Variants in TENM3 observed in about 807,000 individuals in gnomAD.
TENM3 encodes the protein teneurin-3.
A neutral mutation model predicts 255.1 loss-of-function variants in TENM3; 63 were observed. That is an observed-to-expected ratio of 0.25 (90% CI 0.20 to 0.30). TENM3 has a LOEUF of 0.30. Ranked by LOEUF, TENM3 falls within the 10% of genes least tolerant of loss-of-function variation. TENM3 has a pLI of 1.00. For missense variants in TENM3, 2,929 were observed against 3,461.1 expected (o/e 0.85, Z 3.86); for synonymous variants, 1,306 against 1,322.3 (o/e 0.99, Z 0.27).
chr4:182,689,612 A>G (rs868248623), intron 12 of TENM3, among the ~76,000 whole-genome samples: 32 of 152,298 alleles, frequency 2.1e-4, no homozygotes, highest in African/African-American at 7.2e-4. Context: ...GTCTGCAGAA[A>G]TCCATGCACA....
chr4:181,539,056 G>A, the TENM3 span, among the ~76,000 whole-genome samples: 296 of 151,968 alleles, frequency 1.9e-3, no homozygotes, highest in Non-Finnish European at 3.6e-3. Flanking sequence ...AACACTTATC[G>A]TTCCCTTTGT....
the TENM3 span, among the ~76,000 whole-genome samples, chr4:182,023,667 G>A: frequency 5.9e-4 from 90 of 152,300 alleles, no homozygotes; most frequent in Middle Eastern, 3.4e-3. Flanking sequence ...TGGCAAAAAG[G>A]TTTGTTCATT....
At chr4:181,965,607 G>A in the TENM3 span, among the ~76,000 whole-genome samples, 1 of 152,196 alleles carries the variant, frequency 6.6e-6, no homozygotes, top group African/African-American at 2.4e-5. Flanking sequence ...GTACTTAATG[G>A]CAGCCAACGT....
At chr4:182,137,424 C>A in the TENM3 span, among the ~76,000 whole-genome samples, 1 of 151,964 alleles carries the variant, frequency 6.6e-6, no homozygotes, top group Non-Finnish European at 1.5e-5. Context: ...CAATTGCATG[C>A]CTTTTATGCA....
At chr4:182,649,059 G>A (rs1160597352) in intron 5 of TENM3, among the ~76,000 whole-genome samples, 2 of 152,098 alleles carry the variant, frequency 1.3e-5, no homozygotes, top group Non-Finnish European at 2.9e-5. Flanking sequence ...TATGCCTTTT[G>A]TTACTATGTG....
At chr4:181,802,586 T>C in the TENM3 span, among the ~76,000 whole-genome samples, 1 of 152,222 alleles carries the variant, frequency 6.6e-6, no homozygotes, top group Non-Finnish European at 1.5e-5. Flanking sequence ...CAAAAATATA[T>C]TAACCTTTGA....
chr4:181,819,265 A>G, the TENM3 span, among the ~76,000 whole-genome samples: 2 of 151,990 alleles, frequency 1.3e-5, no homozygotes, highest in Non-Finnish European at 1.5e-5. Flanking sequence ...TGCCCCCCCA[A>G]TCGGCCTAGT....
intron 24 of TENM3, 46 bp downstream of exon 24, chr4:182,775,199 T>C: frequency 6.4e-7 from 1 of 1,565,256 alleles, no homozygotes. Flanking sequence ...CCCTCTGATC[T>C]GTGCAGATCA....
At chr4:181,868,253 A>AC in the TENM3 span, among the ~76,000 whole-genome samples, 1 of 150,956 alleles carries the variant, frequency 6.6e-6, no homozygotes, top group African/African-American at 2.4e-5. Flanking sequence ...TTCTAGTCAC[A>AC]CCCCTCCCAC....
the TENM3 span, among the ~76,000 whole-genome samples, chr4:181,600,462 C>G: frequency 1.3e-5 from 2 of 152,120 alleles, no homozygotes; most frequent in African/African-American, 4.8e-5. Flanking sequence ...GAAGACTGGA[C>G]CCTCCTGAAC....
chr4:182,425,516 G>A (rs1320118848), intron 3 of TENM3, among the ~76,000 whole-genome samples: 3 of 152,118 alleles, frequency 2.0e-5, no homozygotes, highest in Admixed American at 2.0e-4. Flanking sequence ...AAATTTTTCC[G>A]TTGTAGTATG....
chr4:182,058,545 A>G, the TENM3 span, among the ~76,000 whole-genome samples: 94 of 147,694 alleles, frequency 6.4e-4, 1 homozygote, highest in East Asian at 0.018. Context: ...TATCTAGAAC[A>G]TAAAGTTCAC....
chr4:182,629,493 A>T (rs1367243534), intron 5 of TENM3, among the ~76,000 whole-genome samples: 2 of 152,128 alleles, frequency 1.3e-5, no homozygotes, highest in Non-Finnish European at 2.9e-5. Context: ...AGCTACTAAT[A>T]GAAGTTGTAA....
At chr4:182,458,912 G>A (rs1028985695) in intron 3 of TENM3, among the ~76,000 whole-genome samples, 9 of 152,156 alleles carry the variant, frequency 5.9e-5, no homozygotes, top group East Asian at 3.8e-4. Context: ...GTATTTGGTC[G>A]TAATAGAGAT....
intron 16 of TENM3, among the ~76,000 whole-genome samples, chr4:182,731,694 GGT>G (rs70956536): frequency 0.051 from 6,364 of 124,584 alleles, 144 homozygotes; most frequent in African/African-American, 0.075. Flanking sequence ...TGGGTGTTGG[GGT>G]GTGTGTGTGT....
the TENM3 span, among the ~76,000 whole-genome samples, chr4:182,067,347 G>T: frequency 2.6e-5 from 4 of 152,140 alleles, no homozygotes; most frequent in African/African-American, 9.7e-5. Flanking sequence ...TGAAACTTCA[G>T]CAGCTTATTC....
the TENM3 span, among the ~76,000 whole-genome samples, chr4:181,979,097 CATATAT>C: frequency 2.6e-3 from 78 of 30,342 alleles, no homozygotes; most frequent in Non-Finnish European, 3.3e-3. Flanking sequence ...TTAAGCCTGA[CATATAT>C]ATATATATAT....
At chr4:182,010,436 T>C in the TENM3 span, among the ~76,000 whole-genome samples, 2 of 151,506 alleles carry the variant, frequency 1.3e-5, no homozygotes, top group African/African-American at 4.8e-5. Context: ...TTTTCATATA[T>C]ATTACATATA....
the TENM3 span, among the ~76,000 whole-genome samples, chr4:181,843,093 C>T: frequency 4.6e-5 from 7 of 152,132 alleles, no homozygotes; most frequent in Non-Finnish European, 1.0e-4. Flanking sequence ...CCTTCAGTAA[C>T]GCAATTTATT....
Sources: allele counts gnomAD v4.1 joint callset (sites outside exome capture counted in the v4.1 genomes callset), GRCh38; gene constraint gnomAD v4.1.1; transcripts MANE v1.5; gene names NCBI Gene and HGNC (gene_info 2026-07-23, HGNC 2026-07-21).